Variants in SRD5A2 observed in about 807,000 individuals in gnomAD.
SRD5A2 encodes steroid 5 alpha-reductase 2.
SRD5A2 carries 30 observed loss-of-function variants against 27.4 expected under a neutral mutation model. The observed-to-expected ratio is 1.10, with a 90% CI of 0.82 to 1.49. The LOEUF (loss-of-function observed/expected upper bound fraction) is 1.49. Among genes scored for constraint, SRD5A2 ranks in the 40% most tolerant of loss-of-function variants. The probability of loss-of-function intolerance (pLI) is 0.00; values close to 1 mark genes in which losing one functional copy is unlikely to be tolerated. For synonymous variants in SRD5A2, 141 were observed against 133.6 expected, an observed-to-expected ratio of 1.06 and a Z score of -0.38; for missense variants, 348 against 323.4, an observed-to-expected ratio of 1.08 and a Z score of -0.58.
At chr2:31,619,336 A>G in the SRD5A2 span, among the ~76,000 whole-genome samples, 33 of 152,146 alleles carry the variant, frequency 2.2e-4, no homozygotes, top group Admixed American at 9.8e-4. Context: ...TATCCAGTCT[A>G]TCATTGATGG....
rs568358896 is a variant in SRD5A2 at position 31,523,208 on chromosome 2, T to A, written c.*2988A>T. 11 of 215,976 alleles carry A rather than the reference T, an allele frequency of 5.1e-5. No homozygotes were observed. Among genetic ancestry groups the A allele is most frequent in the African/African-American group, 2.2e-4 (10 of 44,484 alleles). The allele number at this position is 215,976 out of a possible 1,614,324, so 13.4% of individuals were successfully genotyped here. A position where few individuals can be genotyped will look rare whatever the true frequency, so the allele number is the denominator to read the frequency against. On this transcript the variant is annotated 3_prime_UTR_variant, in exon 5 of 5. Transcript: ENST00000622030. The stretch of plus-strand genomic sequence containing the variant: ...ACCAATGAGGGAAAACTCTCTATTC[T>A]GTCAAATAGGTTTATGAAAGGGCAT...
At chr2:31,549,518 A>G (rs1666341484) in intron 1 of SRD5A2, among the ~76,000 whole-genome samples, 1 of 152,174 alleles carries the variant, frequency 6.6e-6, no homozygotes. Flanking sequence ...TTCAAATGTT[A>G]AGTTCTATTA....
the SRD5A2 span, among the ~76,000 whole-genome samples, chr2:31,608,292 T>C: frequency 1.3e-5 from 2 of 152,026 alleles, no homozygotes; most frequent in Non-Finnish European, 2.9e-5. Context: ...ATTGTAATTA[T>C]ATACTGTGAA....
At chr2:31,612,189 G>A in the SRD5A2 span, among the ~76,000 whole-genome samples, 1 of 151,902 alleles carries the variant, frequency 6.6e-6, no homozygotes, top group Non-Finnish European at 1.5e-5. Flanking sequence ...GTTGAGGCAT[G>A]AGAATCACTT....
chr2:31,625,695 C>G, the SRD5A2 span, among the ~76,000 whole-genome samples: 10 of 151,984 alleles, frequency 6.6e-5, no homozygotes, highest in East Asian at 1.2e-3. Flanking sequence ...ATTTCTGAGG[C>G]CTCTGTTCTG....
At chr2:31,532,185 T>C (rs763212061) in intron 2 of SRD5A2, among the ~76,000 whole-genome samples, 34 of 152,182 alleles carry the variant, frequency 2.2e-4, no homozygotes, top group Non-Finnish European at 4.8e-4. Flanking sequence ...ACCACAGGAA[T>C]GCAGAAGCCA....
At chr2:31,570,784 A>G (rs138208448) in intron 1 of SRD5A2, among the ~76,000 whole-genome samples, 57 of 152,346 alleles carry the variant, frequency 3.7e-4, no homozygotes, top group African/African-American at 1.3e-3. Context: ...TGATTGCAGC[A>G]AAGAGAATAA....
chr2:31,550,720 A>G (rs1666365961), intron 1 of SRD5A2, among the ~76,000 whole-genome samples: 1 of 152,036 alleles, frequency 6.6e-6, no homozygotes, highest in African/African-American at 2.4e-5. Flanking sequence ...ATAGAAAATA[A>G]GAGTAGAGGA....
the SRD5A2 span, among the ~76,000 whole-genome samples, chr2:31,586,596 A>G: frequency 6.6e-6 from 1 of 152,218 alleles, no homozygotes; most frequent in African/African-American, 2.4e-5. Flanking sequence ...AAATAAGAGT[A>G]TCTGCCTGGT....
intron 1 of SRD5A2, among the ~76,000 whole-genome samples, chr2:31,557,721 T>C (rs12467911): frequency 0.72 from 109,387 of 152,126 alleles, 39,709 homozygotes; most frequent in African/African-American, 0.79. Context: ...CCTAGAAATC[T>C]GGAGTACAGC....
the SRD5A2 span, among the ~76,000 whole-genome samples, chr2:31,601,826 G>A: frequency 3.3e-5 from 5 of 151,962 alleles, no homozygotes; most frequent in Non-Finnish European, 5.9e-5. Context: ...TATTTCAATC[G>A]ATGCAGAAAG....
chr2:31,555,936 C>T (rs1430279343), intron 1 of SRD5A2, among the ~76,000 whole-genome samples: 1 of 152,156 alleles, frequency 6.6e-6, no homozygotes, highest in African/African-American at 2.4e-5. Context: ...GAGATCATAT[C>T]TCTAAAATGA....
At chr2:31,612,280 CA>C in the SRD5A2 span, among the ~76,000 whole-genome samples, 2 of 142,100 alleles carry the variant, frequency 1.4e-5, no homozygotes, top group African/African-American at 5.3e-5. Flanking sequence ...GACTGCGTCT[CA>C]AAATTAAAAA....
intron 1 of SRD5A2, among the ~76,000 whole-genome samples, chr2:31,540,440 T>C (rs57971483): frequency 0.32 from 49,053 of 152,048 alleles, 8,123 homozygotes; most frequent in East Asian, 0.38. Context: ...AACAATAGGT[T>C]GATGACAAGA....
rs1280587970 is a variant in SRD5A2 at position 31,529,301 on chromosome 2, AT to A, written c.698+5del. The A allele has an allele frequency of 6.2e-7, 1 of 1,613,696 alleles. No homozygotes were observed. ...TGAATGCTGCCGCTTTTATTGAAAA[AT>A]TTACCTATGGTGGTGAAAAGCTCGC... On this transcript the variant is annotated splice_donor_5th_base_variant and intron_variant, in intron 4 of 4. Transcript: ENST00000622030.
At chr2:31,589,024 T>C in the SRD5A2 span, among the ~76,000 whole-genome samples, 2 of 152,090 alleles carry the variant, frequency 1.3e-5, no homozygotes, top group Non-Finnish European at 2.9e-5. Context: ...GCAAACTCTA[T>C]GAGACAGCCA....
At chr2:31,553,935 G>A (rs1437753483) in intron 1 of SRD5A2, among the ~76,000 whole-genome samples, 1 of 152,156 alleles carries the variant, frequency 6.6e-6, no homozygotes, top group Admixed American at 6.5e-5. Flanking sequence ...CAAAGGAGTA[G>A]TAAGTTTTGA....
At chr2:31,556,807 G>C (rs1392659133) in intron 1 of SRD5A2, among the ~76,000 whole-genome samples, 1 of 152,182 alleles carries the variant, frequency 6.6e-6, no homozygotes, top group Admixed American at 6.5e-5. Flanking sequence ...AATATAACTT[G>C]TTGGAGTAAT....
At chr2:31,655,258 C>T in the SRD5A2 span, among the ~76,000 whole-genome samples, 1 of 152,060 alleles carries the variant, frequency 6.6e-6, no homozygotes, top group Non-Finnish European at 1.5e-5. Flanking sequence ...CCCACCACCA[C>T]GACTGACTAA....
Sources: gnomAD v4.1 joint callset for allele counts (sites outside exome capture counted in the v4.1 genomes callset) on GRCh38, gnomAD v4.1.1 for gene constraint, MANE v1.5 for transcripts, NCBI Gene and HGNC (gene_info 2026-07-23, HGNC 2026-07-21) for gene names.